Variants in B4GALT6 observed in about 807,000 individuals in gnomAD.
B4GALT6 encodes the protein beta-1,4-galactosyltransferase 6, also known as UDP-Gal:beta-GlcNAc beta-1,4-galactosyltransferase 6.
Under a neutral mutation model 46.3 loss-of-function variants are expected in B4GALT6, and 14 were observed. That is an observed-to-expected ratio of 0.30 (90% CI 0.20 to 0.47). B4GALT6 has a LOEUF of 0.47. Ranked by LOEUF, B4GALT6 falls within the 20% of genes least tolerant of loss-of-function variation. The pLI is 0.99. For missense variants in B4GALT6, 386 were observed against 480.1 expected, an observed-to-expected ratio of 0.80 and a Z score of 1.83; for synonymous variants, 168 against 162.0, an observed-to-expected ratio of 1.04 and a Z score of -0.28.
chr18:31,720,143 T>A, the B4GALT6 span, among the ~76,000 whole-genome samples: 1 of 152,260 alleles, frequency 6.6e-6, no homozygotes, highest in Non-Finnish European at 1.5e-5. Context: ...TGCCCAGGAA[T>A]GAACAAGGAC....
At chr18:31,633,816 G>C (rs1378110492) in intron 5 of B4GALT6, among the ~76,000 whole-genome samples, 2 of 152,122 alleles carry the variant, frequency 1.3e-5, no homozygotes, top group Non-Finnish European at 2.9e-5. Flanking sequence ...CTGCAGAAAA[G>C]AGCACCACTA....
chr18:31,673,904 G>C (rs1463834497), intron 1 of B4GALT6, among the ~76,000 whole-genome samples: 2 of 151,960 alleles, frequency 1.3e-5, no homozygotes, highest in Admixed American at 1.3e-4. Flanking sequence ...GAGAAAGGTA[G>C]AGATTTCACA....
intron 4 of B4GALT6, among the ~76,000 whole-genome samples, chr18:31,642,841 C>T (rs6506935): frequency 0.37 from 56,494 of 152,058 alleles, 10,637 homozygotes; most frequent in Middle Eastern, 0.5. Context: ...TGCACCACCA[C>T]GCCCGGCTAA....
chr18:31,707,960 T>G, the B4GALT6 span, among the ~76,000 whole-genome samples: 1 of 152,222 alleles, frequency 6.6e-6, no homozygotes, highest in Admixed American at 6.5e-5. Context: ...ACTCAACATA[T>G]TATGGACATT....
chr18:31,698,554 C>T, the B4GALT6 span, among the ~76,000 whole-genome samples: 8 of 152,004 alleles, frequency 5.3e-5, no homozygotes, highest in South Asian at 1.5e-3. Context: ...TCTCTTGAAC[C>T]CAGAAGTTGG....
the B4GALT6 span, among the ~76,000 whole-genome samples, chr18:31,696,246 A>G: frequency 1.3e-5 from 2 of 152,240 alleles, no homozygotes; most frequent in Non-Finnish European, 2.9e-5. Context: ...GTAAAATGAT[A>G]GAGAAAAAAT....
At position 31,666,710 on chromosome 18, in the gene B4GALT6, G is replaced by A. The variant is rs150021264; in HGVS notation, c.116-338C>T. Among the ~76,000 whole-genome samples the A allele has an allele frequency of 2.8e-3, 427 of 152,208 alleles. 1 individual carries two copies. Among genetic ancestry groups the A allele is most frequent in the African/African-American group, 9.3e-3 (385 of 41,534 alleles). On this transcript the variant is annotated intron_variant, in intron 1 of 8. Transcript: ENST00000306851. ...TTCAAAAAGGCATTTTATTACAGAT[G>A]CTCAATCCTACAGTTACAAAATTCA...
At chr18:31,644,433 T>C (rs149935505) in intron 4 of B4GALT6, among the ~76,000 whole-genome samples, 3 of 152,166 alleles carry the variant, frequency 2.0e-5, no homozygotes, top group East Asian at 3.9e-4. Flanking sequence ...TCCTTCCTAC[T>C]AGTGGTTTTT....
upstream of B4GALT6, among the ~76,000 whole-genome samples, chr18:31,690,722 T>G (rs1416445659): frequency 6.7e-6 from 1 of 148,434 alleles, no homozygotes; most frequent in Admixed American, 6.7e-5. Flanking sequence ...CTGCCTGCCT[T>G]GGCCTCCCAA....
chr18:31,643,064 C>T (rs903481698), intron 4 of B4GALT6, among the ~76,000 whole-genome samples: 6 of 152,118 alleles, frequency 3.9e-5, no homozygotes, highest in African/African-American at 1.4e-4. Context: ...CTCCACTGTT[C>T]CAATATGAGA....
chr18:31,666,229 A>G, intron 2 of B4GALT6, 27 bp downstream of exon 2: 1 of 1,344,868 alleles, frequency 7.4e-7, no homozygotes, highest in South Asian at 1.4e-5. Context: ...TTGTAACTAC[A>G]AGGGGTTAAG....
chr18:31,714,891 C>G, the B4GALT6 span, among the ~76,000 whole-genome samples: 1 of 152,274 alleles, frequency 6.6e-6, no homozygotes, highest in Admixed American at 6.5e-5. Context: ...TCAGTAGTCT[C>G]AAAAGCAGGT....
chr18:31,658,491 A>C (rs10468829), intron 2 of B4GALT6: 9,085 of 158,306 alleles, frequency 0.057, 392 homozygotes, highest in African/African-American at 0.12. Context: ...CACAGAGCAG[A>C]GGGGTGGGAG....
chr18:31,631,264 G>C (rs2073786749), intron 5 of B4GALT6, 118 bp from the exon 6 acceptor site: 2 of 1,076,386 alleles, frequency 1.9e-6, no homozygotes, highest in Non-Finnish European at 2.5e-6. Flanking sequence ...ATGTTGGCCA[G>C]GCTGGTCTCG....
intron 1 of B4GALT6, among the ~76,000 whole-genome samples, chr18:31,680,677 G>A (rs1001713177): frequency 6.6e-6 from 1 of 152,158 alleles, no homozygotes; most frequent in Admixed American, 6.5e-5. Flanking sequence ...CCATTATATA[G>A]CCCCACTGAT....
intron 3 of B4GALT6, among the ~76,000 whole-genome samples, chr18:31,652,498 T>C (rs2074084273): frequency 6.6e-6 from 1 of 152,096 alleles, no homozygotes; most frequent in Admixed American, 6.5e-5. Flanking sequence ...ACCTCACAAG[T>C]ACGGATTTTC....
chr18:31,688,794 A>G (rs1173417956), upstream of B4GALT6, among the ~76,000 whole-genome samples: 3 of 152,194 alleles, frequency 2.0e-5, no homozygotes, highest in African/African-American at 7.2e-5. Context: ...GTCACACAGT[A>G]TAAAGGTAGC....
intron 3 of B4GALT6, among the ~76,000 whole-genome samples, chr18:31,648,279 A>G (rs1173031330): frequency 2.0e-5 from 3 of 152,252 alleles, no homozygotes; most frequent in Non-Finnish European, 4.4e-5. Flanking sequence ...TAAAGATCAG[A>G]AAATAAATAT....
chr18:31,674,231 A>G (rs565603444), intron 1 of B4GALT6, among the ~76,000 whole-genome samples: 7 of 152,348 alleles, frequency 4.6e-5, no homozygotes, highest in Non-Finnish European at 7.3e-5. Context: ...GAAAGTTAAC[A>G]TAAGTAGAAT....
Sources: gnomAD v4.1 joint callset for allele counts (sites outside exome capture counted in the v4.1 genomes callset) on GRCh38, gnomAD v4.1.1 for gene constraint, MANE v1.5 for transcripts, NCBI Gene and HGNC (gene_info 2026-07-23, HGNC 2026-07-21) for gene names.